Variants in ST6GALNAC5 observed in about 807,000 individuals in gnomAD.
ST6GALNAC5 encodes ST6 N-acetylgalactosaminide alpha-2,6-sialyltransferase 5.
Under a neutral mutation model 33.6 loss-of-function variants are expected in ST6GALNAC5, and 27 were observed. The observed-to-expected ratio is 0.80, with a 90% CI of 0.59 to 1.11. The LOEUF (loss-of-function observed/expected upper bound fraction) is 1.11, where lower values mean the gene tolerates loss of function less well. Ranked by LOEUF, ST6GALNAC5 falls within the 50% of genes least tolerant of loss-of-function variation. The pLI, the probability that ST6GALNAC5 is intolerant of heterozygous loss-of-function variation, is 0.00. For synonymous variants in ST6GALNAC5, 194 were observed against 171.2 expected (o/e 1.13, Z -1.04); for missense variants, 428 against 454.0 (o/e 0.94, Z 0.52).
At chr1:77,034,094 G>A (rs573996588) in intron 2 of ST6GALNAC5, among the ~76,000 whole-genome samples, 3 of 151,976 alleles carry the variant, frequency 2.0e-5, no homozygotes, top group Admixed American at 6.6e-5. Flanking sequence ...ATCACAAATC[G>A]GCTGTGTAAA....
intron 2 of ST6GALNAC5, among the ~76,000 whole-genome samples, chr1:76,885,715 T>G (rs888255708): frequency 1.3e-5 from 2 of 152,208 alleles, no homozygotes; most frequent in African/African-American, 4.8e-5. Flanking sequence ...TATTCATCCC[T>G]CTAGTAGCTT....
In ST6GALNAC5 at chr1:77,001,030, A is replaced by G. The variant is rs1650138192; in HGVS notation, c.262-43174A>G. On this transcript the variant is annotated intron_variant, in intron 2 of 4. Transcript: ENST00000477717. ...GTAGTTTTTTCCAATTCTGTGAAGA[A>G]AGTCATTGGTAGCTTGATGGGGATG... 7.2e-5 allele frequency among the ~76,000 whole-genome samples: 11 copies of G among 152,132 alleles called. No individual in the cohort carries two copies. In the South Asian group the frequency reaches 2.3e-3, roughly 32 times the overall value.
At chr1:76,955,918 T>C (rs1647939246) in intron 2 of ST6GALNAC5, among the ~76,000 whole-genome samples, 2 of 152,178 alleles carry the variant, frequency 1.3e-5, no homozygotes, top group African/African-American at 4.8e-5. Flanking sequence ...CTTGTTCTTA[T>C]GGTTTAAAAT....
chr1:76,946,429 C>T (rs1167081017), intron 2 of ST6GALNAC5, among the ~76,000 whole-genome samples: 1 of 152,102 alleles, frequency 6.6e-6, no homozygotes, highest in Admixed American at 6.5e-5. Flanking sequence ...AGGTCTGATT[C>T]CCAATCTGCA....
At chr1:77,059,205 C>T (rs934181079) in intron 4 of ST6GALNAC5, among the ~76,000 whole-genome samples, 3 of 152,196 alleles carry the variant, frequency 2.0e-5, no homozygotes, top group African/African-American at 7.2e-5. Context: ...AAGAAATTAA[C>T]ATGAGTATAA....
intron 2 of ST6GALNAC5, among the ~76,000 whole-genome samples, chr1:77,026,530 AC>A (rs34819369): frequency 0.24 from 36,589 of 151,972 alleles, 5,699 homozygotes; most frequent in African/African-American, 0.44. Context: ...AAGCTTACCA[AC>A]CCCCCAGAAG....
intron 2 of ST6GALNAC5, among the ~76,000 whole-genome samples, chr1:76,967,531 T>C (rs762254538): frequency 6.6e-6 from 1 of 152,174 alleles, no homozygotes; most frequent in Non-Finnish European, 1.5e-5. Flanking sequence ...TTTCAAAAAA[T>C]CAGCTCCTGA....
At chr1:76,936,615 A>G (rs866151389) in intron 2 of ST6GALNAC5, among the ~76,000 whole-genome samples, 2 of 152,186 alleles carry the variant, frequency 1.3e-5, no homozygotes, top group Non-Finnish European at 1.5e-5. Flanking sequence ...AGGAGAAGAA[A>G]TATTTTCTAT....
chr1:77,054,339 G>A (rs1652321847), intron 4 of ST6GALNAC5, among the ~76,000 whole-genome samples: 1 of 152,168 alleles, frequency 6.6e-6, no homozygotes, highest in African/African-American at 2.4e-5. Context: ...GGTGGCATAG[G>A]GATAAGGAGC....
intron 2 of ST6GALNAC5, among the ~76,000 whole-genome samples, chr1:76,915,893 A>G (rs994827292): frequency 4.2e-5 from 5 of 118,276 alleles, no homozygotes; most frequent in South Asian, 4.9e-4. Flanking sequence ...AAACAAAAAA[A>G]CAAAAAACTT....
At chr1:76,989,570 T>C (rs1175059364) in intron 2 of ST6GALNAC5, among the ~76,000 whole-genome samples, 1 of 152,186 alleles carries the variant, frequency 6.6e-6, no homozygotes, top group Non-Finnish European at 1.5e-5. Flanking sequence ...TAATTTTTAT[T>C]ATTCATCTTT....
chr1:77,007,749 T>C (rs909677036), intron 2 of ST6GALNAC5, among the ~76,000 whole-genome samples: 1 of 152,266 alleles, frequency 6.6e-6, no homozygotes, highest in African/African-American at 2.4e-5. Flanking sequence ...CCTTATAGCT[T>C]GGTGCAGAAG....
chr1:76,984,999 T>C (rs563927155), intron 2 of ST6GALNAC5, among the ~76,000 whole-genome samples: 1 of 152,324 alleles, frequency 6.6e-6, no homozygotes, highest in East Asian at 1.9e-4. Flanking sequence ...AAACTAGGTA[T>C]TGATGGAACG....
rs1650783948 is a variant in ST6GALNAC5, at chr1:77,015,229, A to G, written c.262-28975A>G. ...AGACCCAGGGGAGCTGATGATATAA[A>G]TCCCAGTCCAAAAGCAGGAGGAGAT... is the stretch of plus-strand genomic sequence containing the variant. On this transcript the variant is annotated intron_variant, in intron 2 of 4. Coordinates refer to ENST00000477717, the MANE Select transcript of ST6GALNAC5 (RefSeq NM_030965.3). Among the ~76,000 whole-genome samples, 9 of 152,184 alleles carry G rather than the reference A, an allele frequency of 5.9e-5. No homozygotes were observed. The South Asian group carries it at 1.7e-3, about 28-fold the overall frequency.
rs1331619775 is a variant in ST6GALNAC5, at chr1:77,063,198, G to A, written c.1003G>A (p.Val335Met). Residue 335 changes from valine (V) to methionine (M), a missense_variant, in exon 5 of 5, where the codon GTG becomes ATG. By Grantham distance (21) the Val-to-Met change is conservative. Transcript: ENST00000477717. The part of the protein sequence containing the change: ...LAINHPENKP[V>M]F ...TATAAATCATCCTGAGAATAAACCT[G>A]TGTTCTAAGGAATGAGCATGCCAGA... 9 of 1,613,016 alleles carry A rather than the reference G, an allele frequency of 5.6e-6. No homozygotes were observed. The highest frequency in any genetic ancestry group is 7.6e-6 in the Non-Finnish European group (9 of 1,179,274).
chr1:76,903,680 A>G (rs75647014), intron 2 of ST6GALNAC5, among the ~76,000 whole-genome samples: 2,754 of 152,308 alleles, frequency 0.018, 84 homozygotes, highest in African/African-American at 0.062. Context: ...GGCATAAAAT[A>G]TGGCGTATCC....
chr1:76,926,229 T>A (rs1282813175), intron 2 of ST6GALNAC5, among the ~76,000 whole-genome samples: 1 of 152,206 alleles, frequency 6.6e-6, no homozygotes, highest in Non-Finnish European at 1.5e-5. Context: ...AAAAGAGAAG[T>A]CACTTATAAT....
chr1:77,004,707 A>G (rs1193255503), intron 2 of ST6GALNAC5, among the ~76,000 whole-genome samples: 2 of 116,910 alleles, frequency 1.7e-5, no homozygotes, highest in South Asian at 6.1e-4. Context: ...TTTCCTTCTA[A>G]CAGACAGGAC....
chr1:76,955,221 A>G (rs905882724), intron 2 of ST6GALNAC5, among the ~76,000 whole-genome samples: 10 of 152,146 alleles, frequency 6.6e-5, no homozygotes, highest in Non-Finnish European at 1.5e-4. Context: ...TTAGGGTACG[A>G]TTAGTGTGGT....
Sources: gnomAD v4.1 joint callset for allele counts (sites outside exome capture counted in the v4.1 genomes callset) on GRCh38, gnomAD v4.1.1 for gene constraint, MANE v1.5 for transcripts, NCBI Gene and HGNC (gene_info 2026-07-23, HGNC 2026-07-21) for gene names.